The following FAM114A2 variants were observed in gnomAD, a reference collection of about 807,000 sequenced individuals.
FAM114A2 encodes protein FAM114A2.
A neutral mutation model predicts 58.4 loss-of-function variants in FAM114A2; 53 were observed. The ratio of observed to expected loss-of-function variants is 0.91; its 90% CI spans 0.73 to 1.14. FAM114A2 has a LOEUF of 1.14. Ranked by LOEUF, FAM114A2 falls within the 50% of genes most tolerant of loss-of-function variation. The pLI, the probability that FAM114A2 is intolerant of heterozygous loss-of-function variation, is 0.00. For synonymous variants in FAM114A2, 228 were observed against 211.4 expected (o/e 1.08, Z -0.68); for missense variants, 601 against 581.1 (o/e 1.03, Z -0.35).
chr5:154,024,785 T>C (rs1234765671), intron 8 of FAM114A2, among the ~76,000 whole-genome samples: 1 of 152,174 alleles, frequency 6.6e-6, no homozygotes, highest in Non-Finnish European at 1.5e-5. Context: ...TAGAAAATAT[T>C]GGTTCTCTGA....
intron 4 of FAM114A2, 35 bp from the exon 5 acceptor site, chr5:154,029,615 AAGGTC>A: frequency 5.8e-6 from 7 of 1,213,448 alleles, no homozygotes; most frequent in African/African-American, 1.5e-5. Flanking sequence ...ACATGAAGGG[AAGGTC>A]CCTTAACTCT....
intron 8 of FAM114A2, among the ~76,000 whole-genome samples, chr5:154,022,600 C>A (rs939887203): frequency 2.0e-5 from 3 of 152,146 alleles, no homozygotes; most frequent in Non-Finnish European, 2.9e-5. Context: ...CATCTTACAC[C>A]AGTTAGAATG....
chr5:154,033,559 T>G (rs1257645899), intron 4 of FAM114A2, among the ~76,000 whole-genome samples: 2 of 152,230 alleles, frequency 1.3e-5, no homozygotes, highest in Non-Finnish European at 2.9e-5. Context: ...TAACAGTCAC[T>G]TGAGATATAA....
At chr5:154,033,693 CCT>C (rs1358826017) in intron 4 of FAM114A2, 96 bp downstream of exon 4, 1 of 709,154 alleles carries the variant, frequency 1.4e-6, no homozygotes, top group South Asian at 1.8e-5. Flanking sequence ...CCCACGATGC[CCT>C]GAGTATCAGA....
At chr5:154,033,765 A>G (rs747367380) in intron 4 of FAM114A2, 26 bp downstream of exon 4, 11 of 1,292,622 alleles carry the variant, frequency 8.5e-6, no homozygotes, top group Non-Finnish European at 1.2e-5. Flanking sequence ...TCATAATTCT[A>G]GGTCTTTATG....
In FAM114A2 at chr5:154,034,970, G is replaced by A. The variant is rs1300716791; in HGVS notation, c.-14-3C>T. 1.3e-6 allele frequency: 2 copies of A among 1,556,444 alleles called. No homozygotes were observed. Among genetic ancestry groups the A allele is most frequent in the East Asian group, 2.4e-5 (1 of 42,338 alleles). On this transcript the variant is annotated splice_region_variant and splice_polypyrimidine_tract_variant and intron_variant, in intron 1 of 13. Transcript: ENST00000351797. ...ATCTGACATGATTAGAACATCAGCT[G>A]GTAAAATGAAAGCCCAAAAAAAATT...
Position 153,992,477 on chromosome 5 carries a change from C to A in FAM114A2, c.*499G>T, listed in dbSNP as rs1275827621. ...AATTCATGTGATAAAGGGTAATCAT[C>A]ACAGAGTTTACATATGCTCAGTTTT... On this transcript the variant is annotated 3_prime_UTR_variant, in exon 14 of 14. Transcript: ENST00000351797. The A allele has an allele frequency of 6.6e-6, 1 of 152,282 alleles. No homozygotes were observed. Among genetic ancestry groups the A allele is most frequent in the African/African-American group, 2.4e-5 (1 of 41,442 alleles). 9.4% of individuals were successfully genotyped at this position (152,282 alleles called of 1,614,324 possible). A position where few individuals can be genotyped will look rare whatever the true frequency, so the allele number is the denominator to read the frequency against.
At chr5:154,029,692 C>T (rs796166547) in intron 4 of FAM114A2, 112 bp from the exon 5 acceptor site, 34 of 547,436 alleles carry the variant, frequency 6.2e-5, no homozygotes, top group African/African-American at 6.2e-4. Flanking sequence ...ACATACTAGG[C>T]CTTAGCCCTT....
In FAM114A2 at chr5:154,034,763, G is replaced by A; in HGVS notation, c.191C>T (p.Ser64Leu). Reference protein sequence around the residue: ...ETKPSSDLETSKVLPIQDNVS... With the variant: ...ETKPSSDLETLKVLPIQDNVS... ...TGATACCTGAATAGGGAGAACTTTT[G>A]AAGTCTCAAGGTCACTGGAAGGTTT... Residue 64 changes from serine (S) to leucine (L), a missense_variant, in exon 2 of 14, where the codon TCA (serine) becomes TTA (leucine). Coordinates refer to ENST00000351797, the MANE Select transcript of FAM114A2 (RefSeq NM_018691.4). 1 of 1,613,078 alleles carries A rather than the reference G, an allele frequency of 6.2e-7. No individual in the cohort carries two copies. The highest frequency in any genetic ancestry group is 8.5e-7 in the Non-Finnish European group (1 of 1,179,096).
chr5:154,004,370 C>T (rs1400153448), intron 9 of FAM114A2, among the ~76,000 whole-genome samples: 4 of 152,104 alleles, frequency 2.6e-5, no homozygotes, highest in Admixed American at 1.3e-4. Flanking sequence ...ACTCTTTACT[C>T]GTCTCATCCT....
At chr5:153,999,532 G>A (rs1339197019) in intron 11 of FAM114A2, among the ~76,000 whole-genome samples, 2 of 151,784 alleles carry the variant, frequency 1.3e-5, no homozygotes, top group African/African-American at 4.8e-5. Context: ...TACTCAGGAG[G>A]CGGAGGCAGA....
intron 2 of FAM114A2, 58 bp downstream of exon 2, chr5:154,034,683 CCAA>C (rs1474875558): frequency 8.0e-7 from 1 of 1,253,236 alleles, no homozygotes; most frequent in Non-Finnish European, 1.2e-6. Context: ...TCTTTTAGCC[CCAA>C]CATTTTTTAA....
At chr5:154,025,786 C>T (rs1771733584) in intron 8 of FAM114A2, among the ~76,000 whole-genome samples, 1 of 152,098 alleles carries the variant, frequency 6.6e-6, no homozygotes, top group African/African-American at 2.4e-5. Flanking sequence ...ACTTAATATT[C>T]AGTTGCCTGG....
intron 9 of FAM114A2, among the ~76,000 whole-genome samples, chr5:154,005,371 A>T (rs1423883423): frequency 6.6e-6 from 1 of 152,206 alleles, no homozygotes; most frequent in Non-Finnish European, 1.5e-5. Context: ...TAAGTGGTGC[A>T]TAGATTAAAA....
At chr5:154,008,863 G>C (rs973922558) in intron 9 of FAM114A2, among the ~76,000 whole-genome samples, 4 of 152,150 alleles carry the variant, frequency 2.6e-5, no homozygotes, top group Admixed American at 1.3e-4. Context: ...ATATTGTTGG[G>C]AGACAAGGTT....
intron 8 of FAM114A2, 44 bp downstream of exon 8, chr5:154,026,355 A>G (rs1307710705): frequency 1.4e-6 from 2 of 1,457,142 alleles, no homozygotes; most frequent in Non-Finnish European, 1.8e-6. Context: ...CTGCATACAA[A>G]CACACTGCAT....
At chr5:154,032,003 T>G (rs1414817453) in intron 4 of FAM114A2, among the ~76,000 whole-genome samples, 2 of 152,268 alleles carry the variant, frequency 1.3e-5, no homozygotes, top group Admixed American at 1.3e-4. Flanking sequence ...TTATTTCATG[T>G]AAACTGCCAA....
At chr5:154,006,275 C>T (rs1400894285) in intron 9 of FAM114A2, among the ~76,000 whole-genome samples, 2 of 152,182 alleles carry the variant, frequency 1.3e-5, no homozygotes, top group Non-Finnish European at 2.9e-5. Context: ...AACTAGGAGT[C>T]TGCTCTTCTC....
At chr5:154,033,518 T>C (rs1280932302) in intron 4 of FAM114A2, among the ~76,000 whole-genome samples, 8 of 152,256 alleles carry the variant, frequency 5.3e-5, no homozygotes, top group Non-Finnish European at 1.2e-4. Context: ...TTTTATATTG[T>C]ATATTCATGG....
Sources: gnomAD v4.1 joint callset for allele counts (sites outside exome capture counted in the v4.1 genomes callset) on GRCh38, gnomAD v4.1.1 for gene constraint, MANE v1.5 for transcripts, NCBI Gene and HGNC (gene_info 2026-07-23, HGNC 2026-07-21) for gene names.